Variants in CNTN5 observed in about 807,000 individuals in gnomAD.
CNTN5 encodes the protein contactin 5, also known as contactin-5.
In CNTN5, 77 loss-of-function variants were observed where a neutral mutation model predicts 129.1. The ratio of observed to expected loss-of-function variants is 0.60; its 90% CI spans 0.50 to 0.72. CNTN5 has a LOEUF of 0.72. Ranked by LOEUF, CNTN5 falls within the 30% of genes least tolerant of loss-of-function variation. The pLI is 0.00. For synonymous variants in CNTN5, 509 were observed against 465.6 expected (o/e 1.09, Z -1.20); for missense variants, 1,478 against 1,328.8 (o/e 1.11, Z -1.75).
intron 13 of CNTN5, among the ~76,000 whole-genome samples, chr11:100,134,998 G>C (rs964086761): frequency 2.0e-5 from 3 of 151,770 alleles, no homozygotes; most frequent in Non-Finnish European, 4.4e-5. Flanking sequence ...AGTATATATT[G>C]GTTTGATTAA....
intron 2 of CNTN5, among the ~76,000 whole-genome samples, chr11:99,491,067 A>G (rs1375065714): frequency 6.6e-6 from 1 of 152,158 alleles, no homozygotes; most frequent in East Asian, 1.9e-4. Flanking sequence ...ACTGCCCTCC[A>G]CAGCTGGCTT....
intron 13 of CNTN5, among the ~76,000 whole-genome samples, chr11:100,136,802 AAAGT>A (rs1946541325): frequency 1.3e-5 from 2 of 150,324 alleles, no homozygotes; most frequent in African/African-American, 4.9e-5. Context: ...AAAAAAAAAT[AAAGT>A]AACACAGAAG....
At chr11:99,877,465 T>G (rs1948662912) in intron 6 of CNTN5, among the ~76,000 whole-genome samples, 1 of 152,188 alleles carries the variant, frequency 6.6e-6, no homozygotes. Context: ...ACCACATTCT[T>G]GGCTCCTAAG....
chr11:99,664,174 A>G (rs1182175932), intron 3 of CNTN5, among the ~76,000 whole-genome samples: 1 of 152,186 alleles, frequency 6.6e-6, no homozygotes, highest in Admixed American at 6.5e-5. Context: ...GTGGGAAGAC[A>G]TGCTTTGTAC....
chr11:99,904,330 C>T (rs537280775), intron 6 of CNTN5, among the ~76,000 whole-genome samples: 1 of 152,096 alleles, frequency 6.6e-6, no homozygotes, highest in South Asian at 2.1e-4. Context: ...TGTGATGTTC[C>T]CCTCCCCGTG....
chr11:99,836,828 T>C (rs576634320), intron 4 of CNTN5, among the ~76,000 whole-genome samples: 30 of 152,284 alleles, frequency 2.0e-4, no homozygotes, highest in African/African-American at 6.5e-4. Flanking sequence ...TTTTAATGAT[T>C]GCCATTCTAA....
intron 18 of CNTN5, among the ~76,000 whole-genome samples, chr11:100,283,681 C>T (rs1950694563): frequency 6.6e-6 from 1 of 152,150 alleles, no homozygotes; most frequent in Non-Finnish European, 1.5e-5. Context: ...CGCTGTGGCT[C>T]ACACCTGTAA....
At chr11:100,116,584 A>G (rs1030088516) in intron 13 of CNTN5, among the ~76,000 whole-genome samples, 7 of 151,862 alleles carry the variant, frequency 4.6e-5, no homozygotes, top group African/African-American at 1.7e-4. Flanking sequence ...TTGTTTCCTT[A>G]CCTGTTTTTT....
chr11:99,323,964 G>T (rs539120672), intron 1 of CNTN5, among the ~76,000 whole-genome samples: 65 of 152,190 alleles, frequency 4.3e-4, no homozygotes, highest in African/African-American at 1.5e-3. Context: ...AGACAAAAAG[G>T]AATCTATAGT....
chr11:99,887,645 C>T (rs959157742), intron 6 of CNTN5, among the ~76,000 whole-genome samples: 1 of 152,210 alleles, frequency 6.6e-6, no homozygotes, highest in African/African-American at 2.4e-5. Context: ...ACAGTGCAGC[C>T]TTTAGTCTGG....
intron 2 of CNTN5, among the ~76,000 whole-genome samples, chr11:99,510,652 A>G (rs969528882): frequency 1.3e-5 from 2 of 152,160 alleles, no homozygotes; most frequent in Admixed American, 6.5e-5. Context: ...AATTCCTATC[A>G]TTTAGTGACA....
chr11:99,924,785 T>C (rs905940326), intron 7 of CNTN5, among the ~76,000 whole-genome samples: 3 of 152,200 alleles, frequency 2.0e-5, no homozygotes, highest in Non-Finnish European at 4.4e-5. Flanking sequence ...TTTTCAAAAT[T>C]ATATGTAAAA....
chr11:100,057,163 A>G (rs1943268512), intron 9 of CNTN5, among the ~76,000 whole-genome samples: 1 of 149,186 alleles, frequency 6.7e-6, no homozygotes, highest in South Asian at 2.1e-4. Flanking sequence ...ATTCAGCTCA[A>G]AAAGTTAAAG....
intron 1 of CNTN5, among the ~76,000 whole-genome samples, chr11:99,258,066 G>A (rs867368917): frequency 3.3e-5 from 5 of 151,964 alleles, no homozygotes; most frequent in Non-Finnish European, 2.9e-5. Context: ...TGAAATTCTC[G>A]CGGAGTTTTG....
intron 1 of CNTN5, among the ~76,000 whole-genome samples, chr11:99,306,923 A>C (rs1023489504): frequency 3.3e-5 from 5 of 152,082 alleles, no homozygotes; most frequent in Non-Finnish European, 5.9e-5. Flanking sequence ...GATTGTTGTA[A>C]ATTTATTTGT....
At chr11:99,208,164 A>G (rs1244342463) in intron 1 of CNTN5, among the ~76,000 whole-genome samples, 1 of 152,326 alleles carries the variant, frequency 6.6e-6, no homozygotes, top group East Asian at 1.9e-4. Flanking sequence ...CATAGCATTT[A>G]TAAACAGGCT....
chr11:99,198,672 T>C lies in CNTN5; in HGVS notation c.-209-126674T>C, dbSNP rs1006595137. Reference sequence around the variant, plus strand: ...TATTTTGTGTATTATATATAAAATATTGCAGTTGTCCCAACAAGGTAAAAA... The same window carrying C: ...TATTTTGTGTATTATATATAAAATACTGCAGTTGTCCCAACAAGGTAAAAA... On this transcript the variant is annotated intron_variant, in intron 1 of 24. Coordinates refer to ENST00000524871, the MANE Select transcript of CNTN5 (RefSeq NM_014361.4). Among the ~76,000 whole-genome samples, 15 of 152,322 alleles carry C rather than the reference T, an allele frequency of 9.8e-5. No individual in the cohort carries two copies. In the East Asian group the frequency reaches 2.5e-3, roughly 25 times the overall value.
chr11:100,037,576 C>G (rs1424211633), intron 9 of CNTN5, among the ~76,000 whole-genome samples: 1 of 152,036 alleles, frequency 6.6e-6, no homozygotes, highest in African/African-American at 2.4e-5. Flanking sequence ...TGGTAGAATT[C>G]GGCTGTGAAT....
intron 9 of CNTN5, among the ~76,000 whole-genome samples, chr11:100,033,560 C>T (rs953001958): frequency 6.6e-6 from 1 of 152,160 alleles, no homozygotes; most frequent in African/African-American, 2.4e-5. Context: ...AACTACAGTA[C>T]ATGGTCCATC....
Sources: allele counts gnomAD v4.1 joint callset (sites outside exome capture counted in the v4.1 genomes callset), GRCh38; gene constraint gnomAD v4.1.1; transcripts MANE v1.5; gene names NCBI Gene and HGNC (gene_info 2026-07-23, HGNC 2026-07-21).